The following WDR59 variants were observed in gnomAD, a reference collection of about 807,000 sequenced individuals.
The protein encoded by WDR59 is GATOR2 complex protein WDR59.
A neutral mutation model predicts 131.2 loss-of-function variants in WDR59; 100 were observed. That is an observed-to-expected ratio of 0.76 (90% CI 0.65 to 0.90). The LOEUF (loss-of-function observed/expected upper bound fraction) is 0.90. WDR59 is among the 40% of genes least tolerant of loss of function. The pLI is 0.00. For missense variants in WDR59, 1,203 were observed against 1,262.2 expected (o/e 0.95, Z 0.71); for synonymous variants, 601 against 466.2 (o/e 1.29, Z -3.72).
chr16:74,938,404 G>C (rs1209406561), intron 7 of WDR59, 138 bp from the exon 8 acceptor site: 10 of 539,870 alleles, frequency 1.9e-5, no homozygotes, highest in Non-Finnish European at 3.0e-5. Context: ...GACTTTGTTT[G>C]TTTTGGTTAA....
intron 6 of WDR59, among the ~76,000 whole-genome samples, chr16:74,945,377 T>C (rs542261169): frequency 6.6e-6 from 1 of 151,566 alleles, no homozygotes; most frequent in African/African-American, 2.4e-5. Flanking sequence ...CTCGGGAGGC[T>C]GAGGCAGGAG....
intron 1 of WDR59, among the ~76,000 whole-genome samples, chr16:74,981,132 G>C (rs926139558): frequency 2.6e-5 from 4 of 151,794 alleles, no homozygotes; most frequent in African/African-American, 7.3e-5. Context: ...TTGGGAGGCT[G>C]AGGCGGGCGG....
chr16:74,933,703 C>T (rs1202925095), intron 8 of WDR59, among the ~76,000 whole-genome samples: 2 of 152,186 alleles, frequency 1.3e-5, no homozygotes, highest in Non-Finnish European at 2.9e-5. Flanking sequence ...TCTCCTGCCT[C>T]AGCCACCCAA....
intron 19 of WDR59, among the ~76,000 whole-genome samples, chr16:74,893,034 T>C (rs2144831973): frequency 6.6e-6 from 1 of 152,360 alleles, no homozygotes; most frequent in Non-Finnish European, 1.5e-5. Context: ...TGCCAATTAC[T>C]CACCTCTCAC....
chr16:74,973,518 C>G (rs998625099), intron 1 of WDR59, among the ~76,000 whole-genome samples: 2 of 151,726 alleles, frequency 1.3e-5, no homozygotes, highest in African/African-American at 4.8e-5. Context: ...AACCCCTGGG[C>G]TCAAGTGATG....
At chr16:74,964,371 C>T (rs4888323) in intron 2 of WDR59, among the ~76,000 whole-genome samples, 68,971 of 146,030 alleles carry the variant, frequency 0.47, 17,205 homozygotes, top group East Asian at 0.76. Context: ...AAGAGCGAAA[C>T]ATCATCTCAA....
At position 74,909,648 on chromosome 16, in the gene WDR59, C is replaced by A; in HGVS notation, c.1495G>T (p.Asp499Tyr). The A allele has an allele frequency of 6.4e-7, 1 of 1,569,090 alleles. No individual in the cohort carries two copies. Among genetic ancestry groups the A allele is most frequent in the Non-Finnish European group, 8.6e-7 (1 of 1,161,184 alleles). Reference protein sequence around the residue: ...SCLESFVNQEDSASSNPFALP... With the variant: ...SCLESFVNQEYSASSNPFALP... ...GCAAACGGGTTGCTGGAAGCGCTGTCTTCCTGGTTCTGAAATTTAAAAATC... is the reference window on the plus strand; with the variant it reads ...GCAAACGGGTTGCTGGAAGCGCTGTATTCCTGGTTCTGAAATTTAAAAATC... Residue 499 changes from aspartate (D) to tyrosine (Y), a missense_variant, in exon 16 of 26, where the codon GAC becomes TAC. Physicochemically the swap from Asp to Tyr is radical, Grantham distance 160. Transcript: ENST00000262144.
At chr16:74,929,844 A>G (rs1294520941) in intron 8 of WDR59, among the ~76,000 whole-genome samples, 1 of 152,238 alleles carries the variant, frequency 6.6e-6, no homozygotes, top group Non-Finnish European at 1.5e-5. Context: ...AGTACTATTC[A>G]TCCATGAAAA....
At chr16:74,897,175 T>G (rs1383682808) in intron 18 of WDR59, among the ~76,000 whole-genome samples, 1 of 152,234 alleles carries the variant, frequency 6.6e-6, no homozygotes, top group Non-Finnish European at 1.5e-5. Context: ...TTAGTCACTT[T>G]CTGTCAGCAT....
At chr16:74,895,266 A>AT (rs763004824) in intron 18 of WDR59, among the ~76,000 whole-genome samples, 9 of 150,816 alleles carry the variant, frequency 6.0e-5, no homozygotes, top group East Asian at 5.8e-4. Flanking sequence ...TGATCTTTTT[A>AT]TTTTTTTTTC....
chr16:74,923,442 G>T (rs1297370181), intron 9 of WDR59, among the ~76,000 whole-genome samples: 1 of 151,972 alleles, frequency 6.6e-6, no homozygotes, highest in Non-Finnish European at 1.5e-5. Flanking sequence ...TTCTGATGTA[G>T]ATACTTACCC....
At chr16:74,893,651 T>C (rs1261770150) in intron 19 of WDR59, 28 bp downstream of exon 19, 17 of 1,610,382 alleles carry the variant, frequency 1.1e-5, no homozygotes, top group African/African-American at 2.7e-5. Context: ...AAATGATGAG[T>C]GCAGCAGACT....
At position 74,905,154 on chromosome 16, in the gene WDR59, T is replaced by C. The variant is rs190490959; in HGVS notation, c.1713-1054A>G. Among the ~76,000 whole-genome samples, 606 of 152,202 alleles carry C rather than the reference T, an allele frequency of 4.0e-3. 1 individual carries two copies. Among genetic ancestry groups the C allele is most frequent in the Non-Finnish European group, 6.3e-3 (429 of 68,012 alleles). On this transcript the variant is annotated intron_variant, in intron 17 of 25. Transcript: ENST00000262144. Reference sequence around the variant, plus strand: ...ACTTTGGGAGGCCAAGGCGGGCAGATTACCTGAGGTCGGGAGTTCAAGACC... The same window carrying C: ...ACTTTGGGAGGCCAAGGCGGGCAGACTACCTGAGGTCGGGAGTTCAAGACC...
In WDR59 at chr16:74,912,334, A is replaced by G. The variant is rs1966139304; in HGVS notation, c.1253T>C (p.Val418Ala). 2 of 1,613,974 alleles carry G rather than the reference A, an allele frequency of 1.2e-6. No homozygotes were observed. Among genetic ancestry groups the G allele is most frequent in the South Asian group, 2.2e-5 (2 of 91,064 alleles). Reference sequence around the variant, plus strand: ...ACGATGGTTGCTGCAGTGCACAGACACTGTGCAGCTCCTGTCTGCCGCATC... The same window carrying G: ...ACGATGGTTGCTGCAGTGCACAGACGCTGTGCAGCTCCTGTCTGCCGCATC... ...EMDAADRSCT[V>A]SVHCSNHRVK... The change falls in exon 14 of 26, where the codon GTG becomes GCG. Residue 418 changes from valine (V) to alanine (A), a missense_variant. Transcript: ENST00000262144.
rs770963947 is a variant in WDR59 at position 74,874,392 on chromosome 16, A to G, written c.2742T>C (p.Cys914=). ...GGAACGTGAAGCCTTTGCAGATGGC[A>G]CACTGCGTGCCACGGACCTCACTCC... The part of the protein sequence containing the change: ...HCRSEVRGTQ[C]AICKGFTFQC... The change falls in exon 26 of 26, where the codon TGT becomes TGC. Residue 914 remains cysteine (C), a synonymous_variant. Coordinates refer to ENST00000262144, the MANE Select transcript of WDR59 (RefSeq NM_030581.4). 1 of 1,614,116 alleles carries G rather than the reference A, an allele frequency of 6.2e-7. No homozygotes were observed. The highest frequency in any genetic ancestry group is 1.7e-5 in the Admixed American group (1 of 60,016).
At chr16:74,892,235 G>C (rs954293069) in intron 20 of WDR59, among the ~76,000 whole-genome samples, 9 of 152,070 alleles carry the variant, frequency 5.9e-5, no homozygotes, top group Non-Finnish European at 1.0e-4. Context: ...ACTGATACTG[G>C]AACAGAAAAG....
chr16:74,885,913 C>T (rs1964733191), intron 24 of WDR59, 118 bp from the exon 25 acceptor site: 1 of 1,256,618 alleles, frequency 8.0e-7, no homozygotes, highest in African/African-American at 1.5e-5. Context: ...CGGTGGCTAA[C>T]ACCTGTCACT....
chr16:74,925,601 C>A (rs528428760), intron 8 of WDR59, among the ~76,000 whole-genome samples: 2 of 147,846 alleles, frequency 1.4e-5, no homozygotes, highest in South Asian at 4.3e-4. Flanking sequence ...GGGGAACAGA[C>A]AAGTGGTTGC....
chr16:74,949,155 CAAAAATA>C, intron 5 of WDR59, among the ~76,000 whole-genome samples: 1 of 151,246 alleles, frequency 6.6e-6, no homozygotes, highest in Non-Finnish European at 1.5e-5. Flanking sequence ...TCTGTCCCCA[CAAAAATA>C]AAAAATAAAA....
Sources: gnomAD v4.1 joint callset for allele counts (sites outside exome capture counted in the v4.1 genomes callset) on GRCh38, gnomAD v4.1.1 for gene constraint, MANE v1.5 for transcripts, NCBI Gene and HGNC (gene_info 2026-07-23, HGNC 2026-07-21) for gene names.